The following CAPZB variants were observed in gnomAD, a reference collection of about 807,000 sequenced individuals.
CAPZB encodes the protein F-actin-capping protein subunit beta.
CAPZB carries 2 observed loss-of-function variants against 38.1 expected under a neutral mutation model. The ratio of observed to expected loss-of-function variants is 0.05; its 90% confidence interval spans 0.02 to 0.17. CAPZB has a LOEUF of 0.17. Ranked by LOEUF, CAPZB falls within the 10% of genes least tolerant of loss-of-function variation. The pLI is 1.00. For missense variants in CAPZB, 161 were observed against 334.2 expected, an observed-to-expected ratio of 0.48 and a Z score of 4.04; for synonymous variants, 107 against 127.4, an observed-to-expected ratio of 0.84 and a Z score of 1.08.
At chr1:19,443,114 T>C (rs951357776) in intron 1 of CAPZB, among the ~76,000 whole-genome samples, 4 of 149,998 alleles carry the variant, frequency 2.7e-5, no homozygotes, top group African/African-American at 9.9e-5. Context: ...TGGCCAGGAG[T>C]GGTAGTTCAC....
At chr1:19,379,031 T>A (rs182674163) in intron 3 of CAPZB, among the ~76,000 whole-genome samples, 18 of 152,074 alleles carry the variant, frequency 1.2e-4, no homozygotes, top group African/African-American at 3.6e-4. Context: ...ACTGTCAGTG[T>A]TCAACAAATG....
chr1:19,425,461 G>A (rs2094418954), intron 1 of CAPZB, among the ~76,000 whole-genome samples: 1 of 152,064 alleles, frequency 6.6e-6, no homozygotes, highest in African/African-American at 2.4e-5. Flanking sequence ...AAAAAATCAA[G>A]GAAGAGTCCT....
At chr1:19,431,280 A>G (rs956363507) in intron 1 of CAPZB, among the ~76,000 whole-genome samples, 8 of 152,256 alleles carry the variant, frequency 5.3e-5, no homozygotes, top group African/African-American at 1.9e-4. Context: ...ATGGTCAACC[A>G]GTAAGTTCTG....
At position 19,345,175 on chromosome 1, in the gene CAPZB, C is replaced by A. The variant is rs2093953845; in HGVS notation, c.654+12G>T. 6.2e-7 allele frequency: 1 copy of A among 1,611,588 alleles called. No homozygotes were observed. The highest frequency in any genetic ancestry group is 1.3e-5 in the African/African-American group (1 of 74,890). Reference sequence around the variant, plus strand: ...GTCACTGCAGGAGCCAGCCAGAGCCCAGGTCACTCACCTCTACCAGGCGCC... The same window carrying A: ...GTCACTGCAGGAGCCAGCCAGAGCCAAGGTCACTCACCTCTACCAGGCGCC... On this transcript the variant is annotated intron_variant, in intron 7 of 8. Transcript: ENST00000264202.
At chr1:19,405,839 C>T (rs1209518139) in intron 2 of CAPZB, among the ~76,000 whole-genome samples, 4 of 152,206 alleles carry the variant, frequency 2.6e-5, no homozygotes, top group East Asian at 1.9e-4. Context: ...TTCGAGAGCT[C>T]GCCTGAAGGT....
intron 8 of CAPZB, among the ~76,000 whole-genome samples, 183 bp from the exon 9 acceptor site, chr1:19,339,800 G>C (rs2093918133): frequency 6.6e-6 from 1 of 152,218 alleles, no homozygotes; most frequent in Admixed American, 6.5e-5. Context: ...GTACATGGCC[G>C]AGACCTGCAC....
intron 1 of CAPZB, among the ~76,000 whole-genome samples, chr1:19,423,264 A>G (rs2094408659): frequency 6.6e-6 from 1 of 152,214 alleles, no homozygotes; most frequent in Admixed American, 6.5e-5. Flanking sequence ...AAGCTTAATG[A>G]CAGCTTTTAA....
chr1:19,385,782 T>C (rs2094200995), intron 2 of CAPZB, 156 bp from the exon 3 acceptor site: 3 of 840,620 alleles, frequency 3.6e-6, no homozygotes, highest in East Asian at 2.4e-5. Context: ...CTTTTCCACA[T>C]GTGTCTGACA....
At chr1:19,484,828 C>T (rs552295848) in intron 1 of CAPZB, 29 of 347,956 alleles carry the variant, frequency 8.3e-5, no homozygotes, top group African/African-American at 6.2e-4. Context: ...GGGCCATGGG[C>T]GGAGAAGAGG....
chr1:19,433,243 C>T (rs1034759466), intron 1 of CAPZB, among the ~76,000 whole-genome samples: 17 of 152,182 alleles, frequency 1.1e-4, no homozygotes, highest in African/African-American at 3.9e-4. Context: ...CAAGGGATGC[C>T]GTACATGTTG....
At chr1:19,393,245 C>T (rs576563449) in intron 2 of CAPZB, among the ~76,000 whole-genome samples, 5 of 152,354 alleles carry the variant, frequency 3.3e-5, no homozygotes, top group East Asian at 1.9e-4. Flanking sequence ...GGCAGCTTCG[C>T]GCCGGGCCTG....
At chr1:19,461,322 T>C (rs1276741680) in intron 1 of CAPZB, among the ~76,000 whole-genome samples, 3 of 151,612 alleles carry the variant, frequency 2.0e-5, no homozygotes, top group South Asian at 4.3e-4. Context: ...ACCCTCAGCA[T>C]AGGTCACACA....
intron 2 of CAPZB, among the ~76,000 whole-genome samples, chr1:19,413,749 C>T (rs2094367368): frequency 6.6e-6 from 1 of 152,292 alleles, no homozygotes; most frequent in Middle Eastern, 3.4e-3. Flanking sequence ...TGTAAGCCTG[C>T]TTACTCTATT....
intron 2 of CAPZB, among the ~76,000 whole-genome samples, chr1:19,411,250 G>A (rs2094355896): frequency 6.6e-6 from 1 of 152,126 alleles, no homozygotes; most frequent in Non-Finnish European, 1.5e-5. Context: ...CCATGTAATT[G>A]AAAAGTATTT....
chr1:19,457,206 G>A (rs2094535747), intron 1 of CAPZB, among the ~76,000 whole-genome samples: 1 of 152,202 alleles, frequency 6.6e-6, no homozygotes, highest in African/African-American at 2.4e-5. Flanking sequence ...TGAATTTCCT[G>A]AGGTTTACGG....
At chr1:19,424,049 C>T (rs1285269890) in intron 1 of CAPZB, among the ~76,000 whole-genome samples, 7 of 152,274 alleles carry the variant, frequency 4.6e-5, no homozygotes, top group East Asian at 1.9e-4. Flanking sequence ...TGAGCTCAAG[C>T]GATCCATCTG....
rs140853042 is a variant in CAPZB at position 19,409,072 on chromosome 1, A to G, written c.93+10589T>C. Among the ~76,000 whole-genome samples, 355 of 152,296 alleles carry G rather than the reference A, an allele frequency of 2.3e-3. 2 individuals carry two copies. The highest frequency in any genetic ancestry group is 7.6e-3 in the African/African-American group (317 of 41,578). On this transcript the variant is annotated intron_variant, in intron 2 of 8. Transcript: ENST00000264202. The stretch of plus-strand genomic sequence containing the variant: ...CAGGCCACTTAGTGTGTAGGTTATG[A>G]TCCTTCCCAGGAAAACAATGTTTCC...
In CAPZB at chr1:19,375,581, C is replaced by T. The variant is rs137927244; in HGVS notation, c.329+2959G>A. Among the ~76,000 whole-genome samples, 219 of 152,358 alleles carry T rather than the reference C, an allele frequency of 1.4e-3. 1 individual carries two copies. Among genetic ancestry groups the T allele is most frequent in the African/African-American group, 5.0e-3 (210 of 41,596 alleles). On this transcript the variant is annotated intron_variant, in intron 4 of 8. Coordinates refer to ENST00000264202, the MANE Select transcript of CAPZB (RefSeq NM_004930.5). ...CTGGGTTATCCAGTTCGACCCCCAA[C>T]TGGGGGCAGGATGCTGTCGTCACCC...
At chr1:19,431,377 G>A (rs2094441216) in intron 1 of CAPZB, among the ~76,000 whole-genome samples, 1 of 152,184 alleles carries the variant, frequency 6.6e-6, no homozygotes, top group Admixed American at 6.5e-5. Context: ...GAAACCTGTA[G>A]TTTAATCATC....
Sources: gnomAD v4.1 joint callset for allele counts (sites outside exome capture counted in the v4.1 genomes callset) on GRCh38, gnomAD v4.1.1 for gene constraint, MANE v1.5 for transcripts, NCBI Gene and HGNC (gene_info 2026-07-23, HGNC 2026-07-21) for gene names.